The following CAMKMT variants were observed in gnomAD, a reference collection of about 807,000 sequenced individuals.
The protein encoded by CAMKMT is calmodulin-lysine N-methyltransferase.
In CAMKMT, 53 loss-of-function variants were observed where a neutral mutation model predicts 48.0. The observed-to-expected ratio is 1.10, with a 90% CI of 0.89 to 1.39. The LOEUF is 1.39. CAMKMT is among the 40% of genes most tolerant of loss of function. CAMKMT has a pLI of 0.00. For synonymous variants in CAMKMT, 165 were observed against 152.3 expected, an observed-to-expected ratio of 1.08 and a Z score of -0.61; for missense variants, 428 against 402.7, an observed-to-expected ratio of 1.06 and a Z score of -0.54.
chr2:44,729,839 T>C (rs1242935045), intron 7 of CAMKMT, among the ~76,000 whole-genome samples: 3 of 152,200 alleles, frequency 2.0e-5, no homozygotes, highest in Admixed American at 6.5e-5. Flanking sequence ...CCAGCATCAG[T>C]TGTATACTTG....
At chr2:44,488,839 GTA>G (rs1669338076) in intron 3 of CAMKMT, among the ~76,000 whole-genome samples, 1 of 133,460 alleles carries the variant, frequency 7.5e-6, no homozygotes, top group Non-Finnish European at 1.6e-5. Context: ...AAGCCTTAGG[GTA>G]TTTGTGTGTG....
chr2:44,490,725 T>C (rs1669456517), intron 3 of CAMKMT, among the ~76,000 whole-genome samples: 2 of 152,214 alleles, frequency 1.3e-5, no homozygotes, highest in South Asian at 4.1e-4. Flanking sequence ...TGTATTTCTC[T>C]CCATTCCAGC....
chr2:44,418,020 C>T (rs1343967845), intron 3 of CAMKMT, among the ~76,000 whole-genome samples: 2 of 151,962 alleles, frequency 1.3e-5, no homozygotes, highest in Non-Finnish European at 2.9e-5. Flanking sequence ...GGCGAAACCC[C>T]ATCTCTACCA....
Position 44,410,245 on chromosome 2 carries a change from A to C in CAMKMT, c.376+19940A>C, listed in dbSNP as rs868002917. On this transcript the variant is annotated intron_variant, in intron 3 of 10. Transcript: ENST00000378494. Reference sequence around the variant, plus strand: ...GTCAGGTATCAGTATATATATATATATATTTTTTTTTTTTTTTTTTTTTTT... The same window carrying C: ...GTCAGGTATCAGTATATATATATATCTATTTTTTTTTTTTTTTTTTTTTTT... Among the ~76,000 whole-genome samples, 15 of 10,562 alleles carry C rather than the reference A, an allele frequency of 1.4e-3. 5 individuals carry two copies. The highest frequency in any genetic ancestry group is 0.013 in the African/African-American group (15 of 1,158). The allele number at this position is 10,562 out of a possible 152,430, so 6.9% of individuals were successfully genotyped here.
chr2:44,471,458 G>A (rs1414341043), intron 3 of CAMKMT, among the ~76,000 whole-genome samples: 1 of 151,906 alleles, frequency 6.6e-6, no homozygotes, highest in Non-Finnish European at 1.5e-5. Context: ...AATTTAGCTG[G>A]TGGTGGTGGT....
chr2:44,475,533 G>T (rs918583500), intron 3 of CAMKMT, among the ~76,000 whole-genome samples: 58 of 152,036 alleles, frequency 3.8e-4, no homozygotes, highest in Non-Finnish European at 6.0e-4. Flanking sequence ...GGCCAGGATG[G>T]TCTTGATCTC....
At chr2:44,542,558 T>TCTC (rs1558690238) in intron 3 of CAMKMT, among the ~76,000 whole-genome samples, 301 of 49,930 alleles carry the variant, frequency 6.0e-3, no homozygotes, top group South Asian at 0.014. Context: ...CTCTCTCTCT[T>TCTC]TCTCTCTCCA....
At chr2:44,526,920 G>T (rs948858337) in intron 3 of CAMKMT, among the ~76,000 whole-genome samples, 1 of 151,814 alleles carries the variant, frequency 6.6e-6, no homozygotes, top group African/African-American at 2.4e-5. Flanking sequence ...TCCCTTTAGG[G>T]TGTATAATTT....
rs573162011 is a variant in CAMKMT, at chr2:44,644,426, A to C, written c.377-59857A>C. 3.3e-5 allele frequency among the ~76,000 whole-genome samples: 5 copies of C among 152,368 alleles called. No individual in the cohort carries two copies. The South Asian group carries it at 1.0e-3, about 32-fold the overall frequency. ...ACTTGGCTTGTGTGTTCTCTAAAAAATTATCACGTTTTCAAGTTATGCATT... is the reference window on the plus strand; with the variant it reads ...ACTTGGCTTGTGTGTTCTCTAAAAACTTATCACGTTTTCAAGTTATGCATT... On this transcript the variant is annotated intron_variant, in intron 3 of 10. Coordinates refer to ENST00000378494, the MANE Select transcript of CAMKMT (RefSeq NM_024766.5).
chr2:44,592,558 C>T (rs905179165), intron 3 of CAMKMT, among the ~76,000 whole-genome samples: 1 of 152,032 alleles, frequency 6.6e-6, no homozygotes, highest in Non-Finnish European at 1.5e-5. Flanking sequence ...AGTGCAAGAC[C>T]AACGATGCTG....
intron 9 of CAMKMT, among the ~76,000 whole-genome samples, chr2:44,758,038 AG>A (rs1680456492): frequency 6.6e-6 from 1 of 152,192 alleles, no homozygotes; most frequent in Non-Finnish European, 1.5e-5. Flanking sequence ...TGGTTCTGGG[AG>A]GATTGCCTAC....
At chr2:44,759,931 G>A (rs1379446552) in intron 9 of CAMKMT, among the ~76,000 whole-genome samples, 1 of 152,192 alleles carries the variant, frequency 6.6e-6, no homozygotes, top group Non-Finnish European at 1.5e-5. Flanking sequence ...ATTTTTATTT[G>A]TTTTGTGAAT....
intron 3 of CAMKMT, among the ~76,000 whole-genome samples, chr2:44,444,686 C>G (rs905094968): frequency 6.6e-6 from 1 of 152,162 alleles, no homozygotes; most frequent in Non-Finnish European, 1.5e-5. Flanking sequence ...TCTTTCAGAG[C>G]AATTATCCTG....
At chr2:44,527,286 T>C (rs912490178) in intron 3 of CAMKMT, among the ~76,000 whole-genome samples, 8 of 144,130 alleles carry the variant, frequency 5.6e-5, no homozygotes, top group East Asian at 3.9e-4. Context: ...ATATATTATA[T>C]ATATATAATA....
intron 3 of CAMKMT, among the ~76,000 whole-genome samples, chr2:44,662,334 G>T (rs1237784891): frequency 6.6e-6 from 1 of 152,220 alleles, no homozygotes; most frequent in African/African-American, 2.4e-5. Context: ...TATAAGAGGA[G>T]AGTGGGGCCA....
chr2:44,657,227 C>G lies in CAMKMT; in HGVS notation c.377-47056C>G, dbSNP rs1221720053. On this transcript the variant is annotated intron_variant, in intron 3 of 10. Transcript: ENST00000378494. The surrounding 1 kb of genome is among the most constrained non-coding windows in gnomAD (Gnocchi z 4.3). ...TCTCAGAGTTGAATTTTAGAAGATT[C>G]AGATAACTTCTTCAATTTGAGGTTC... is the stretch of plus-strand genomic sequence containing the variant. Among the ~76,000 whole-genome samples, 2 of 152,194 alleles carry G rather than the reference C, an allele frequency of 1.3e-5. No homozygotes were observed. The highest frequency in any genetic ancestry group is 1.3e-4 in the Admixed American group (2 of 15,280).
At chr2:44,677,320 C>G (rs1675760727) in intron 3 of CAMKMT, among the ~76,000 whole-genome samples, 1 of 152,130 alleles carries the variant, frequency 6.6e-6, no homozygotes, top group Non-Finnish European at 1.5e-5. Flanking sequence ...TTCCCTGTCC[C>G]TTGTATTATT....
chr2:44,731,848 G>A lies in CAMKMT; in HGVS notation c.624-11774G>A, dbSNP rs1057081226. 5.9e-5 allele frequency among the ~76,000 whole-genome samples: 9 copies of A among 152,126 alleles called. No homozygotes were observed. The South Asian group carries it at 1.0e-3, about 17-fold the overall frequency. ...GCATCTCTCATCTTCACTGCCTTGC[G>A]TTTGAACTCAGAGCTATCCAGCTAC... On this transcript the variant is annotated intron_variant, in intron 7 of 10. Coordinates refer to ENST00000378494, the MANE Select transcript of CAMKMT (RefSeq NM_024766.5).
intron 3 of CAMKMT, among the ~76,000 whole-genome samples, chr2:44,397,058 CAAAAAAA>C (rs59188592): frequency 1.7e-5 from 2 of 120,408 alleles, no homozygotes; most frequent in Middle Eastern, 4.1e-3. Context: ...GACTCCATCT[CAAAAAAA>C]AAAAAAAAAA....
Sources: allele counts gnomAD v4.1 joint callset (sites outside exome capture counted in the v4.1 genomes callset), GRCh38; gene constraint gnomAD v4.1.1; non-coding constraint Gnocchi (gnomAD v3.1); transcripts MANE v1.5; gene names NCBI Gene and HGNC (gene_info 2026-07-23, HGNC 2026-07-21).